Variants in NAP1L1 observed in about 807,000 individuals in gnomAD.
NAP1L1 encodes nucleosome assembly protein 1-like 1.
NAP1L1 carries 9 observed loss-of-function variants against 58.9 expected under a neutral mutation model. That is an observed-to-expected ratio of 0.15 (90% confidence interval 0.09 to 0.27). The LOEUF is 0.27. NAP1L1 is among the 10% of genes least tolerant of loss of function. The probability of loss-of-function intolerance (pLI) is 1.00; values close to 1 mark genes in which losing one functional copy is unlikely to be tolerated. For synonymous variants in NAP1L1, 130 were observed against 138.3 expected (o/e 0.94, Z 0.42); for missense variants, 302 against 458.8 (o/e 0.66, Z 3.12).
chr12:76,079,864 A>AT (rs1238857912), intron 1 of NAP1L1, among the ~76,000 whole-genome samples: 1 of 151,748 alleles, frequency 6.6e-6, no homozygotes, highest in Non-Finnish European at 1.5e-5. Flanking sequence ...TATTGTTTTA[A>AT]TTTTTTTTGT....
chr12:76,046,151 A>C lies in NAP1L1; in HGVS notation c.*2278T>G, dbSNP rs1321021704. ...AGTATATACATTCATTTAAAAAAAA[A>C]CACCCAAAATATCACCAGTACATTT... On this transcript the variant is annotated 3_prime_UTR_variant, in exon 15 of 15. Coordinates refer to ENST00000618691, the MANE Select transcript of NAP1L1 (RefSeq NM_004537.7). 3 of 152,014 alleles carry C rather than the reference A, an allele frequency of 2.0e-5. No individual in the cohort carries two copies. Among genetic ancestry groups the C allele is most frequent in the South Asian group, 4.2e-4 (2 of 4,818 alleles). The allele number at this position is 152,014 out of a possible 1,614,324, so 9.4% of individuals were successfully genotyped here.
intron 6 of NAP1L1, 71 bp from the exon 7 acceptor site, chr12:76,056,232 A>C: frequency 6.7e-7 from 1 of 1,484,720 alleles, no homozygotes; most frequent in Middle Eastern, 1.8e-4. Context: ...AAAGGTATAA[A>C]AACCAAAAAG....
intron 1 of NAP1L1, among the ~76,000 whole-genome samples, chr12:76,078,743 G>T (rs1474086209): frequency 6.6e-6 from 1 of 152,104 alleles, no homozygotes; most frequent in African/African-American, 2.4e-5. Context: ...ATGAAGCCTA[G>T]AAGAAAACTT....
chr12:76,048,579 T>C, intron 14 of NAP1L1, 115 bp from the exon 15 acceptor site: 2 of 1,021,628 alleles, frequency 2.0e-6, no homozygotes, highest in Non-Finnish European at 3.0e-6. Context: ...AAAGAAATGG[T>C]ATAGGACAAT....
intron 4 of NAP1L1, among the ~76,000 whole-genome samples, chr12:76,061,571 CT>C (rs923981939): frequency 6.6e-6 from 1 of 152,126 alleles, no homozygotes; most frequent in Admixed American, 6.5e-5. Flanking sequence ...ACAGGGGGCA[CT>C]GATTTTTAAA....
rs995154370 is a variant in NAP1L1 at position 76,079,345 on chromosome 12, G to T, written c.-20-5106C>A. Among the ~76,000 whole-genome samples the T allele has an allele frequency of 2.0e-5, 3 of 152,094 alleles. No individual in the cohort carries two copies. In the South Asian group the frequency reaches 6.2e-4, roughly 31 times the overall value. Reference sequence around the variant, plus strand: ...GTTCAAGGCCAGCCTGGGCAACACAGATCATCTCTACAAAAAATTAACATG... The same window carrying T: ...GTTCAAGGCCAGCCTGGGCAACACATATCATCTCTACAAAAAATTAACATG... On this transcript the variant is annotated intron_variant, in intron 1 of 14. Transcript: ENST00000618691.
rs1949024269 is a variant in NAP1L1 at position 76,055,157 on chromosome 12, A to G, written c.559-67T>C. 7 of 1,063,508 alleles carry G rather than the reference A, an allele frequency of 6.6e-6. No individual in the cohort carries two copies. The South Asian group carries it at 8.8e-5, about 13-fold the overall frequency. The allele number at this position is 1,063,508 out of a possible 1,614,324, so 65.9% of individuals were successfully genotyped here. A position where few individuals can be genotyped will look rare whatever the true frequency, so the allele number is the denominator to read the frequency against. On this transcript the variant is annotated intron_variant, in intron 7 of 14. Transcript: ENST00000618691. ...CGAGGACTGTGTTCTGTTACTACAC[A>G]AACACCAGCTGACTGAGACATAATA...
intron 2 of NAP1L1, among the ~76,000 whole-genome samples, chr12:76,072,926 A>G (rs963849128): frequency 6.6e-6 from 1 of 152,190 alleles, no homozygotes; most frequent in African/African-American, 2.4e-5. Context: ...ACAAACCGAG[A>G]AAGCAATGTG....
intron 5 of NAP1L1, 45 bp downstream of exon 5, chr12:76,060,093 C>T (rs10880030): frequency 0.61 from 954,363 of 1,566,848 alleles, 298,399 homozygotes; most frequent in East Asian, 0.97. Context: ...TTCTAGAATT[C>T]GTCTTCTAGA....
intron 6 of NAP1L1, chr12:76,057,495 G>A (rs1949168114): frequency 3.0e-6 from 2 of 674,920 alleles, no homozygotes; most frequent in African/African-American, 1.8e-5. Context: ...ACAGTGGCGG[G>A]AGCAGAGCTG....
chr12:76,072,073 T>TC (rs1235383196), intron 2 of NAP1L1, among the ~76,000 whole-genome samples: 1 of 151,144 alleles, frequency 6.6e-6, no homozygotes, highest in Non-Finnish European at 1.5e-5. Context: ...GCTCAAATTT[T>TC]CCAATCAATT....
At position 76,044,228 on chromosome 12, in the gene NAP1L1, G is replaced by C. The variant is rs1459302437; in HGVS notation, c.*4201C>G. The C allele has an allele frequency of 6.6e-6, 1 of 152,304 alleles. No homozygotes were observed. The highest frequency in any genetic ancestry group is 2.4e-5 in the African/African-American group (1 of 41,414). The allele number at this position is 152,304 out of a possible 1,614,324, so 9.4% of individuals were successfully genotyped here. ...GAGGCACGAGAATCGCTTGAACCCGGGAGATGACAGCTGTAGTGAGCCGAG... is the reference window on the plus strand; with the variant it reads ...GAGGCACGAGAATCGCTTGAACCCGCGAGATGACAGCTGTAGTGAGCCGAG... On this transcript the variant is annotated 3_prime_UTR_variant, in exon 15 of 15. Transcript: ENST00000618691.
rs1948566573 is a variant in NAP1L1, at chr12:76,043,138, T to G, written c.*5291A>C. On this transcript the variant is annotated 3_prime_UTR_variant, in exon 15 of 15. Transcript: ENST00000618691. ...ACTTACTTTTTCAGTTGCATATATA[T>G]GACCCTGAAGCCTTTACTGGCCCCT... 1 of 152,226 alleles carries G rather than the reference T, an allele frequency of 6.6e-6. No homozygotes were observed. The highest frequency in any genetic ancestry group is 2.4e-5 in the African/African-American group (1 of 41,460). The allele number at this position is 152,226 out of a possible 1,614,324, so 9.4% of individuals were successfully genotyped here.
At chr12:76,062,454 A>G (rs1055470958) in intron 4 of NAP1L1, among the ~76,000 whole-genome samples, 1 of 152,188 alleles carries the variant, frequency 6.6e-6, no homozygotes, top group Non-Finnish European at 1.5e-5. Context: ...CAAGGGTACA[A>G]TTTCTATGAA....
At chr12:76,080,388 C>T (rs1950355796) in intron 1 of NAP1L1, among the ~76,000 whole-genome samples, 2 of 152,190 alleles carry the variant, frequency 1.3e-5, no homozygotes, top group Admixed American at 1.3e-4. Flanking sequence ...TTAGAGTACA[C>T]TCCAACTTAT....
chr12:76,042,170 A>G lies in NAP1L1; in HGVS notation c.*6259T>C, dbSNP rs1948557760. On this transcript the variant is annotated 3_prime_UTR_variant, in exon 15 of 15. Coordinates refer to ENST00000618691, the MANE Select transcript of NAP1L1 (RefSeq NM_004537.7). ...ACTGAGTAATGCATCCCTTACACCT[A>G]GGAGGAATTTTGCCTTTGAACCAAG... is the stretch of plus-strand genomic sequence containing the variant. 2.6e-5 allele frequency: 4 copies of G among 152,190 alleles called. No homozygotes were observed. The highest frequency in any genetic ancestry group is 2.6e-4 in the Admixed American group (4 of 15,276). 9.4% of individuals were successfully genotyped at this position (152,190 alleles called of 1,614,324 possible). A position where few individuals can be genotyped will look rare whatever the true frequency, so the allele number is the denominator to read the frequency against.
intron 2 of NAP1L1, among the ~76,000 whole-genome samples, chr12:76,070,759 CT>C (rs1284903439): frequency 2.0e-5 from 3 of 152,148 alleles, no homozygotes; most frequent in Non-Finnish European, 4.4e-5. Flanking sequence ...GTTCAAGTCC[CT>C]TATATAAAAT....
At chr12:76,077,272 T>C (rs1950215598) in intron 1 of NAP1L1, among the ~76,000 whole-genome samples, 1 of 152,198 alleles carries the variant, frequency 6.6e-6, no homozygotes. Flanking sequence ...AGAAGGCTGC[T>C]CTAACCTGCC....
chr12:76,066,121 TAAATAAATAAATAAATAAAC>T (rs1308778828), intron 4 of NAP1L1, among the ~76,000 whole-genome samples: 51 of 105,058 alleles, frequency 4.9e-4, no homozygotes, highest in African/African-American at 1.6e-3. Context: ...AATAAATAAA[TAAATAAATAAATAAATAAAC>T]AAACAAACAA....
Sources: gnomAD v4.1 joint callset for allele counts (sites outside exome capture counted in the v4.1 genomes callset) on GRCh38, gnomAD v4.1.1 for gene constraint, MANE v1.5 for transcripts, NCBI Gene and HGNC (gene_info 2026-07-23, HGNC 2026-07-21) for gene names.